Variants in MANBA observed in about 807,000 individuals in gnomAD.
The protein encoded by MANBA is beta-mannosidase.
In MANBA, 83 loss-of-function variants were observed where a neutral mutation model predicts 111.1. That is an observed-to-expected ratio of 0.75 (90% CI 0.63 to 0.90). MANBA has a LOEUF of 0.90. Ranked by LOEUF, MANBA falls within the 40% of genes least tolerant of loss-of-function variation. MANBA has a pLI of 0.00. For missense variants in MANBA, 1,036 were observed against 1,069.0 expected (o/e 0.97, Z 0.43); for synonymous variants, 370 against 378.7 (o/e 0.98, Z 0.27).
intron 1 of MANBA, among the ~76,000 whole-genome samples, chr4:102,760,510 C>T (rs1036136683): frequency 9.9e-5 from 15 of 152,206 alleles, no homozygotes; most frequent in African/African-American, 3.6e-4. Flanking sequence ...TACTGATGTC[C>T]CAACATGGGT....
intron 13 of MANBA, among the ~76,000 whole-genome samples, chr4:102,642,853 G>A (rs1049449339): frequency 6.6e-6 from 1 of 152,050 alleles, no homozygotes; most frequent in Non-Finnish European, 1.5e-5. Context: ...CAACCCCTGG[G>A]ACTTTGAGTA....
At chr4:102,706,468 T>A (rs1364262245) in intron 5 of MANBA, among the ~76,000 whole-genome samples, 1 of 152,040 alleles carries the variant, frequency 6.6e-6, no homozygotes, top group Non-Finnish European at 1.5e-5. Context: ...TCCTCCCCTA[T>A]AAAAGAGAAT....
intron 5 of MANBA, among the ~76,000 whole-genome samples, chr4:102,704,440 G>A (rs551481503): frequency 5.1e-4 from 77 of 152,234 alleles, no homozygotes; most frequent in African/African-American, 1.8e-3. Context: ...AAGCGCTAAA[G>A]ATTACAAGCA....
rs1235420216 is a variant in MANBA at position 102,728,993 on chromosome 4, A to G, written c.178-2310T>C. The G allele has an allele frequency of 1.1e-5, 10 of 947,868 alleles. No homozygotes were observed. In the Admixed American group the frequency reaches 1.5e-4, roughly 15 times the overall value. 58.7% of individuals were successfully genotyped at this position (947,868 alleles called of 1,614,324 possible). On this transcript the variant is annotated intron_variant, in intron 1 of 16. Coordinates refer to ENST00000647097, the MANE Select transcript of MANBA (RefSeq NM_005908.4). Reference sequence around the variant, plus strand: ...CAGCTGGCTCTCCTCGCCCTCCAGCAGCTTCCTGTAGGTGGCTATCTCGAT... The same window carrying G: ...CAGCTGGCTCTCCTCGCCCTCCAGCGGCTTCCTGTAGGTGGCTATCTCGAT...
intron 10 of MANBA, chr4:102,667,337 C>A (rs185970863): frequency 6.6e-6 from 1 of 151,962 alleles, no homozygotes; most frequent in Admixed American, 6.6e-5. Context: ...GTAGTAAGCA[C>A]GGGGGTGAGA....
chr4:102,729,377 G>A (rs1722939584), intron 1 of MANBA: 3 of 807,926 alleles, frequency 3.7e-6, no homozygotes, highest in African/African-American at 1.7e-5. Context: ...TCCTCGTATG[G>A]TGCCTTGACC....
At chr4:102,665,115 C>CT (rs1731161415) in intron 10 of MANBA, 1 of 389,772 alleles carries the variant, frequency 2.6e-6, no homozygotes, top group East Asian at 5.3e-5. Flanking sequence ...AATATAATCC[C>CT]TTTTTTAGAA....
intron 7 of MANBA, among the ~76,000 whole-genome samples, chr4:102,689,241 T>A (rs1000391023): frequency 2.6e-5 from 4 of 151,306 alleles, no homozygotes; most frequent in Non-Finnish European, 4.4e-5. Context: ...CCCATCTACT[T>A]GGGAGGCTGA....
At chr4:102,637,239 A>G (rs1262884969) in intron 14 of MANBA, among the ~76,000 whole-genome samples, 1 of 152,202 alleles carries the variant, frequency 6.6e-6, no homozygotes, top group Non-Finnish European at 1.5e-5. Context: ...CAACTACCAT[A>G]GCCCTTGTTA....
intron 1 of MANBA, chr4:102,752,714 A>C: frequency 2.4e-6 from 1 of 417,044 alleles, no homozygotes; most frequent in Non-Finnish European, 4.8e-6. Flanking sequence ...AATTATACTG[A>C]TGCAGATGCA....
rs34969474 is a variant in MANBA, at chr4:102,709,331, A to G, written c.673+5107T>C. On this transcript the variant is annotated intron_variant, in intron 5 of 16. Coordinates refer to ENST00000647097, the MANE Select transcript of MANBA (RefSeq NM_005908.4). ...GGAAGGAAGAAAAGAAAAGAAAAAG[A>G]AAGGAAGGAAGGAAGGAAGGAAGAA... is the stretch of plus-strand genomic sequence containing the variant. Among the ~76,000 whole-genome samples the G allele has an allele frequency of 1.8e-3, 241 of 133,330 alleles. 3 individuals carry two copies. The highest frequency in any genetic ancestry group is 4.5e-3 in the African/African-American group (149 of 33,328). 87.5% of individuals were successfully genotyped at this position (133,330 alleles called of 152,430 possible). A position where few individuals can be genotyped will look rare whatever the true frequency, so the allele number is the denominator to read the frequency against.
At chr4:102,650,785 T>C (rs1045145573) in intron 12 of MANBA, 84 bp from the exon 13 acceptor site, 21 of 1,067,450 alleles carry the variant, frequency 2.0e-5, no homozygotes, top group African/African-American at 3.1e-5. Context: ...ACCTGGAAAG[T>C]ATCCTAAACA....
At chr4:102,723,289 G>A (rs567063340) in intron 3 of MANBA, among the ~76,000 whole-genome samples, 1 of 152,062 alleles carries the variant, frequency 6.6e-6, no homozygotes, top group South Asian at 2.1e-4. Context: ...ATTTTTCCTG[G>A]CAAAATGATG....
intron 1 of MANBA, among the ~76,000 whole-genome samples, chr4:102,736,020 G>A (rs909875565): frequency 2.0e-5 from 3 of 152,080 alleles, no homozygotes; most frequent in African/African-American, 7.2e-5. Context: ...TATACCAGCT[G>A]GTAACTGCAA....
chr4:102,729,190 C>T lies in MANBA; in HGVS notation c.178-2507G>A, dbSNP rs1578944855. On this transcript the variant is annotated intron_variant, in intron 1 of 16. Transcript: ENST00000647097. Reference sequence around the variant, plus strand: ...TGTGATGGTGCCCTCCAGGGAAGCCCTCTGGCCTTTGAGGCCCTCAGTCTC... The same window carrying T: ...TGTGATGGTGCCCTCCAGGGAAGCCTTCTGGCCTTTGAGGCCCTCAGTCTC... The T allele has an allele frequency of 1.8e-5, 13 of 725,300 alleles. No homozygotes were observed. The East Asian group carries it at 2.6e-4, about 15-fold the overall frequency. The allele number at this position is 725,300 out of a possible 1,614,324, so 44.9% of individuals were successfully genotyped here.
intron 13 of MANBA, among the ~76,000 whole-genome samples, chr4:102,640,856 C>T (rs747625567): frequency 2.6e-5 from 4 of 152,106 alleles, no homozygotes; most frequent in Admixed American, 6.6e-5. Flanking sequence ...TTACATGAGT[C>T]ACAGCCATCA....
chr4:102,631,341 C>T lies in MANBA; in HGVS notation c.*716G>A, dbSNP rs1729366307. ...TTACATGACTGTTTCCAGAGAAAAC[C>T]TTTCACATGTCTTAGTTTAGATTCT... On this transcript the variant is annotated 3_prime_UTR_variant, in exon 17 of 17. Coordinates refer to ENST00000647097, the MANE Select transcript of MANBA (RefSeq NM_005908.4). 6.3e-6 allele frequency: 1 copy of T among 159,960 alleles called. No homozygotes were observed. The highest frequency in any genetic ancestry group is 2.4e-5 in the African/African-American group (1 of 41,616). 9.9% of individuals were successfully genotyped at this position (159,960 alleles called of 1,614,324 possible). A position where few individuals can be genotyped will look rare whatever the true frequency, so the allele number is the denominator to read the frequency against.
At chr4:102,728,064 A>G (rs1368434795) in intron 1 of MANBA, 6 of 521,520 alleles carry the variant, frequency 1.2e-5, no homozygotes, top group Non-Finnish European at 2.3e-5. Context: ...GTGGAGATAG[A>G]AGGCACGCCC....
intron 1 of MANBA, among the ~76,000 whole-genome samples, chr4:102,754,733 T>A (rs1415360962): frequency 2.0e-5 from 3 of 152,166 alleles, no homozygotes; most frequent in African/African-American, 7.2e-5. Flanking sequence ...ATTTTTTGTA[T>A]TTTTAGTAGA....
Sources: gnomAD v4.1 joint callset for allele counts (sites outside exome capture counted in the v4.1 genomes callset) on GRCh38, gnomAD v4.1.1 for gene constraint, MANE v1.5 for transcripts, NCBI Gene and HGNC (gene_info 2026-07-23, HGNC 2026-07-21) for gene names.